Variants in SULF2 observed in about 807,000 individuals in gnomAD.
The protein encoded by SULF2 is extracellular sulfatase Sulf-2.
SULF2 carries 52 observed loss-of-function variants against 107.7 expected under a neutral mutation model. The ratio of observed to expected loss-of-function variants is 0.48; its 90% CI spans 0.39 to 0.61. The LOEUF is 0.61. Among genes scored for constraint, SULF2 ranks in the 20% least tolerant of loss-of-function variants. The pLI, the probability that SULF2 is intolerant of heterozygous loss-of-function variation, is 0.00. For missense variants in SULF2, 993 were observed against 1,177.3 expected, an observed-to-expected ratio of 0.84 and a Z score of 2.29; for synonymous variants, 460 against 464.3, an observed-to-expected ratio of 0.99 and a Z score of 0.12.
chr20:47,774,909 G>T (rs6090731), intron 1 of SULF2, among the ~76,000 whole-genome samples: 1 of 152,086 alleles, frequency 6.6e-6, no homozygotes, highest in African/African-American at 2.4e-5. Context: ...TGCATTTGTC[G>T]CATTGGGATG....
chr20:47,735,696 T>A (rs371104832), intron 3 of SULF2, among the ~76,000 whole-genome samples: 1 of 152,148 alleles, frequency 6.6e-6, no homozygotes, highest in East Asian at 1.9e-4. Context: ...CAGCAGAACA[T>A]ACTTTCTAGG....
At chr20:47,684,397 C>G in intron 6 of SULF2, 34 bp downstream of exon 6, 1 of 1,573,498 alleles carries the variant, frequency 6.4e-7, no homozygotes. Flanking sequence ...GGTTCGGAGC[C>G]ACGCCCACCA....
intron 4 of SULF2, among the ~76,000 whole-genome samples, chr20:47,700,492 T>C (rs1471352189): frequency 6.6e-6 from 1 of 152,142 alleles, no homozygotes; most frequent in Non-Finnish European, 1.5e-5. Context: ...ACTCACGTGA[T>C]CCTCAAAAAC....
chr20:47,729,470 C>A (rs2089535240), intron 3 of SULF2, among the ~76,000 whole-genome samples: 2 of 152,160 alleles, frequency 1.3e-5, no homozygotes, highest in South Asian at 2.1e-4. Context: ...TGGAACAGGG[C>A]AGGCGGGGAA....
At chr20:47,745,448 TATATATATACACATAC>T (rs776543764) in intron 2 of SULF2, among the ~76,000 whole-genome samples, 1,851 of 15,526 alleles carry the variant, frequency 0.12, 158 homozygotes, top group African/African-American at 0.25. Context: ...TATATATATA[TATATATATACACATAC>T]ACACACACTT....
intron 4 of SULF2, 34 bp downstream of exon 4, chr20:47,702,485 C>T (rs763692935): frequency 3.1e-6 from 5 of 1,601,020 alleles, no homozygotes; most frequent in Non-Finnish European, 4.3e-6. Flanking sequence ...CTGGGCCACA[C>T]AGCCACTCCC....
intron 3 of SULF2, among the ~76,000 whole-genome samples, chr20:47,733,700 G>C (rs758288740): frequency 5.9e-5 from 9 of 152,194 alleles, no homozygotes; most frequent in Non-Finnish European, 1.3e-4. Flanking sequence ...TTGAACCCAG[G>C]AGGCAGAGGT....
intron 4 of SULF2, among the ~76,000 whole-genome samples, chr20:47,699,682 G>T (rs2088500146): frequency 6.6e-6 from 1 of 152,146 alleles, no homozygotes; most frequent in South Asian, 2.1e-4. Context: ...AGGGCTGCAG[G>T]CCCATGGGTC....
chr20:47,722,473 G>T (rs1434402743), intron 3 of SULF2, among the ~76,000 whole-genome samples: 1 of 151,880 alleles, frequency 6.6e-6, no homozygotes, highest in East Asian at 2.0e-4. Context: ...TGTTGCCCAG[G>T]CTGGTTTTGA....
chr20:47,661,891 C>T lies in SULF2; in HGVS notation c.2376G>A (p.Met792Ile), dbSNP rs140243901. ...FDLNTDPYQLMNAVNTLDRDV... is the reference protein window; with the variant it reads ...FDLNTDPYQLINAVNTLDRDV... ...CCCTGTCCAGTGTGTTCACTGCATT[C>T]ATCAGCTGGTTGCAAAAAAGGTAGT... is the stretch of plus-strand genomic sequence containing the variant. Residue 792 changes from methionine (M) to isoleucine (I), a missense_variant, in exon 18 of 21, where the codon ATG becomes ATA. Physicochemically the swap from Met to Ile is conservative, Grantham distance 10. Around this residue, in one of 3 missense-constraint regions of SULF2, gnomAD observed 497 missense variants for 544.1 expected, o/e 0.91. Coordinates refer to ENST00000688720, the MANE Select transcript of SULF2 (RefSeq NM_001387048.1). 410 of 1,553,922 alleles carry T rather than the reference C, an allele frequency of 2.6e-4. 3 individuals are homozygous for T. In the South Asian group the frequency reaches 4.2e-3, roughly 16 times the overall value.
At chr20:47,782,904 G>A (rs2090857717) in intron 1 of SULF2, among the ~76,000 whole-genome samples, 1 of 152,296 alleles carries the variant, frequency 6.6e-6, no homozygotes, top group East Asian at 1.9e-4. Flanking sequence ...TTCTTCCCCT[G>A]CATATGTGTT....
chr20:47,706,975 G>T (rs889993565), intron 3 of SULF2: 4 of 152,064 alleles, frequency 2.6e-5, no homozygotes, highest in African/African-American at 9.7e-5. Flanking sequence ...CTAAGAAAAA[G>T]ATGAGTTTTA....
At chr20:47,695,086 G>T (rs932920377) in intron 4 of SULF2, among the ~76,000 whole-genome samples, 2 of 152,178 alleles carry the variant, frequency 1.3e-5, no homozygotes, top group African/African-American at 4.8e-5. Flanking sequence ...TTCCTGTAAA[G>T]GGCCAGACAG....
At chr20:47,682,533 T>C (rs976097619) in intron 7 of SULF2, among the ~76,000 whole-genome samples, 30 of 152,236 alleles carry the variant, frequency 2.0e-4, no homozygotes, top group African/African-American at 7.0e-4. Context: ...GCCCACGTGG[T>C]CCTCCAGGAA....
chr20:47,677,399 A>AGTGT (rs2087680607), intron 8 of SULF2, among the ~76,000 whole-genome samples: 5 of 122,366 alleles, frequency 4.1e-5, no homozygotes, highest in Admixed American at 1.7e-4. Flanking sequence ...CACCCAAGTA[A>AGTGT]CTGTGTGTGT....
intron 3 of SULF2, among the ~76,000 whole-genome samples, chr20:47,710,534 G>A (rs2088893111): frequency 6.6e-6 from 1 of 151,788 alleles, no homozygotes; most frequent in Non-Finnish European, 1.5e-5. Context: ...ACTCCATGAT[G>A]TTCGCACAAT....
At chr20:47,667,549 C>T (rs1052746288) in intron 11 of SULF2, among the ~76,000 whole-genome samples, 1 of 152,244 alleles carries the variant, frequency 6.6e-6, no homozygotes, top group East Asian at 1.9e-4. Context: ...CCCACAGTTC[C>T]ATATGGTCAG....
chr20:47,749,088 G>C (rs1335922762), intron 2 of SULF2, among the ~76,000 whole-genome samples: 2 of 151,834 alleles, frequency 1.3e-5, no homozygotes, highest in African/African-American at 4.8e-5. Flanking sequence ...ATGAGAGCTG[G>C]AGCTCCAGCA....
intron 1 of SULF2, among the ~76,000 whole-genome samples, chr20:47,761,971 AG>A (rs1389071848): frequency 2.6e-5 from 4 of 152,176 alleles, no homozygotes; most frequent in African/African-American, 9.7e-5. Flanking sequence ...GGTTTTATAA[AG>A]GGTTTCCCCT....
Sources: allele counts gnomAD v4.1 joint callset (sites outside exome capture counted in the v4.1 genomes callset), GRCh38; gene constraint gnomAD v4.1.1; regional missense constraint gnomAD v4.1.1; transcripts MANE v1.5; gene names NCBI Gene and HGNC (gene_info 2026-07-23, HGNC 2026-07-21).